Variants in CHN1 observed in about 807,000 individuals in gnomAD.
The protein encoded by CHN1 is N-chimaerin.
In CHN1, 37 loss-of-function variants were observed where a neutral mutation model predicts 59.5. The observed-to-expected ratio is 0.62, with a 90% CI of 0.48 to 0.82. CHN1 has a LOEUF of 0.82. Among genes scored for constraint, CHN1 ranks in the 40% least tolerant of loss-of-function variants. The pLI is 0.00. For synonymous variants in CHN1, 206 were observed against 200.4 expected, an observed-to-expected ratio of 1.03 and a Z score of -0.24; for missense variants, 469 against 571.0, an observed-to-expected ratio of 0.82 and a Z score of 1.82.
At chr2:174,913,246 C>A (rs1688750397) in intron 5 of CHN1, among the ~76,000 whole-genome samples, 1 of 152,090 alleles carries the variant, frequency 6.6e-6, no homozygotes, top group African/African-American at 2.4e-5. Context: ...TGGAGAAATG[C>A]AGGGGAAATG....
At chr2:174,846,263 A>T (rs1319556618) in intron 7 of CHN1, 2 of 1,521,130 alleles carry the variant, frequency 1.3e-6, no homozygotes, top group Admixed American at 4.4e-5. Context: ...AAATTCAAGT[A>T]CAGTTGATAA....
chr2:174,955,076 G>T (rs145496189), intron 1 of CHN1, among the ~76,000 whole-genome samples: 9 of 149,690 alleles, frequency 6.0e-5, no homozygotes, highest in Non-Finnish European at 8.9e-5. Context: ...AAGAAAATGC[G>T]GTATATACAT....
chr2:174,825,087 C>T lies in CHN1; in HGVS notation c.628-569G>A, dbSNP rs546047503. On this transcript the variant is annotated intron_variant, in intron 7 of 12. Coordinates refer to ENST00000409900, the MANE Select transcript of CHN1 (RefSeq NM_001822.7). ...ACTATATAATGGAGTTTTCCAATGT[C>T]CCCTCAGGTGCAGGCACCCTAATCT... 2.3e-4 allele frequency among the ~76,000 whole-genome samples: 35 copies of T among 152,290 alleles called. 1 individual carries two copies. The highest frequency in any genetic ancestry group is 3.4e-3 in the Middle Eastern group (1 of 294).
chr2:174,919,640 A>T (rs901018203), intron 3 of CHN1, among the ~76,000 whole-genome samples: 8 of 152,170 alleles, frequency 5.3e-5, no homozygotes, highest in Non-Finnish European at 1.0e-4. Context: ...TTTCAAATGT[A>T]CTTATAACTA....
At chr2:174,971,639 T>C (rs1690762049) in intron 1 of CHN1, among the ~76,000 whole-genome samples, 2 of 152,176 alleles carry the variant, frequency 1.3e-5, no homozygotes, top group Admixed American at 6.5e-5. Flanking sequence ...AAAACAATGT[T>C]ATAAGGTATT....
chr2:174,800,432 A>C, intron 12 of CHN1, 145 bp from the exon 13 acceptor site: 1 of 544,268 alleles, frequency 1.8e-6, no homozygotes, highest in East Asian at 3.1e-5. Flanking sequence ...TGTAATTTCA[A>C]AGTACTGACT....
At chr2:174,826,806 C>A (rs1314301811) in intron 7 of CHN1, among the ~76,000 whole-genome samples, 1 of 152,098 alleles carries the variant, frequency 6.6e-6, no homozygotes, top group South Asian at 2.1e-4. Flanking sequence ...CCGAGCAGAC[C>A]CCATGTTCTC....
chr2:174,887,275 G>A (rs1687921713), intron 5 of CHN1, among the ~76,000 whole-genome samples: 1 of 151,994 alleles, frequency 6.6e-6, no homozygotes, highest in African/African-American at 2.4e-5. Flanking sequence ...TTAGGCATCA[G>A]ATATAATCAA....
At chr2:174,936,009 T>C (rs959903143) in intron 3 of CHN1, among the ~76,000 whole-genome samples, 56 of 152,340 alleles carry the variant, frequency 3.7e-4, no homozygotes, top group African/African-American at 1.3e-3. Context: ...CTAATTGGTA[T>C]TGTAGTTAGA....
intron 1 of CHN1, among the ~76,000 whole-genome samples, chr2:174,960,639 G>A (rs1690366501): frequency 6.6e-6 from 1 of 151,820 alleles, no homozygotes. Flanking sequence ...TCAGGGGTTC[G>A]AGACCAACCT....
intron 11 of CHN1, among the ~76,000 whole-genome samples, chr2:174,807,013 T>C (rs1208771198): frequency 6.6e-6 from 1 of 152,236 alleles, no homozygotes; most frequent in Non-Finnish European, 1.5e-5. Flanking sequence ...CGAAAGTTTC[T>C]TTCTTATGAT....
At chr2:174,978,978 C>T (rs1039874546) in intron 1 of CHN1, among the ~76,000 whole-genome samples, 11 of 152,164 alleles carry the variant, frequency 7.2e-5, no homozygotes, top group African/African-American at 2.4e-4. Flanking sequence ...GTATTAAGTA[C>T]CAACTAGGGC....
At chr2:174,920,921 G>A in intron 3 of CHN1, 1 of 424,910 alleles carries the variant, frequency 2.4e-6, no homozygotes, top group Non-Finnish European at 4.8e-6. Context: ...CCATCTGGGG[G>A]TGATGGGAGA....
chr2:174,944,498 C>T (rs887996021), intron 3 of CHN1, among the ~76,000 whole-genome samples: 2 of 152,134 alleles, frequency 1.3e-5, no homozygotes, highest in Admixed American at 6.5e-5. Context: ...GAACTATCCA[C>T]ATCTTTTGTT....
intron 1 of CHN1, among the ~76,000 whole-genome samples, chr2:174,956,534 GCC>G (rs1690208848): frequency 6.6e-6 from 1 of 152,028 alleles, no homozygotes; most frequent in African/African-American, 2.4e-5. Context: ...ACTTTGGGAG[GCC>G]AAGAGGGGCG....
intron 7 of CHN1, among the ~76,000 whole-genome samples, chr2:174,840,016 C>T (rs1686233814): frequency 6.6e-6 from 1 of 152,072 alleles, no homozygotes. Context: ...TCTGCATACT[C>T]ACTTCTGACT....
chr2:174,932,324 T>C (rs1191673052), intron 3 of CHN1, among the ~76,000 whole-genome samples: 1 of 152,172 alleles, frequency 6.6e-6, no homozygotes, highest in East Asian at 1.9e-4. Context: ...ACCATCTCCT[T>C]GTGGAGATGT....
chr2:174,868,915 GAT>G (rs1181594197), intron 6 of CHN1, among the ~76,000 whole-genome samples: 2 of 152,178 alleles, frequency 1.3e-5, no homozygotes, highest in Non-Finnish European at 2.9e-5. Flanking sequence ...ATGCAGAAAT[GAT>G]AGTTTTTCTC....
At chr2:174,942,812 G>A (rs899288182) in intron 3 of CHN1, among the ~76,000 whole-genome samples, 2 of 152,180 alleles carry the variant, frequency 1.3e-5, no homozygotes, top group Non-Finnish European at 2.9e-5. Flanking sequence ...CACTTTAGGA[G>A]GCCACGGTGG....
Sources: gnomAD v4.1 joint callset for allele counts (sites outside exome capture counted in the v4.1 genomes callset) on GRCh38, gnomAD v4.1.1 for gene constraint, MANE v1.5 for transcripts, NCBI Gene and HGNC (gene_info 2026-07-23, HGNC 2026-07-21) for gene names.